MRC1: variants seen among roughly 807,000 people sequenced by gnomAD.
The protein encoded by MRC1 is macrophage mannose receptor 1.
In MRC1, 62 loss-of-function variants were observed where a neutral mutation model predicts 102.9. The observed-to-expected ratio is 0.60, with a 90% CI of 0.49 to 0.74. MRC1 has a LOEUF of 0.74. Ranked by LOEUF, MRC1 falls within the 30% of genes least tolerant of loss-of-function variation. The pLI, the probability that MRC1 is intolerant of heterozygous loss-of-function variation, is 0.00. For synonymous variants in MRC1, 457 were observed against 298.4 expected (o/e 1.53, Z -5.48); for missense variants, 1,237 against 862.8 (o/e 1.43, Z -5.43).
At chr10:17,828,475 A>T (rs1478529007) in intron 3 of MRC1, among the ~76,000 whole-genome samples, 1 of 151,462 alleles carries the variant, frequency 6.6e-6, no homozygotes, top group Non-Finnish European at 1.5e-5. Flanking sequence ...GCATGCTATT[A>T]TTCCCTCATC....
chr10:17,882,846 C>A (rs1184998051), intron 21 of MRC1, among the ~76,000 whole-genome samples: 1 of 152,188 alleles, frequency 6.6e-6, no homozygotes, highest in Non-Finnish European at 1.5e-5. Context: ...CAGAGAAACA[C>A]AATAATTGAT....
At chr10:17,809,556 G>A in intron 1 of MRC1, 30 bp downstream of exon 1, 1 of 872,454 alleles carries the variant, frequency 1.1e-6, no homozygotes, top group Non-Finnish European at 2.0e-6. Context: ...GGGGATCTCT[G>A]ACCTGGGGGG....
Position 17,809,429 on chromosome 10 carries a change from C to G in MRC1, c.-37C>G. On this transcript the variant is annotated 5_prime_UTR_variant, in exon 1 of 30. Transcript: ENST00000569591. ...TGTTTTGCGTCTTAGTTCCGCCCTCCTGTCCATCAGGAGAAGGAAAGGATA... is the reference window on the plus strand; with the variant it reads ...TGTTTTGCGTCTTAGTTCCGCCCTCGTGTCCATCAGGAGAAGGAAAGGATA... The G allele has an allele frequency of 4.6e-6, 4 of 872,584 alleles. No individual in the cohort carries two copies. Among genetic ancestry groups the G allele is most frequent in the Non-Finnish European group, 8.0e-6 (4 of 501,388 alleles). 54.1% of individuals were successfully genotyped at this position (872,584 alleles called of 1,614,324 possible).
intron 6 of MRC1, among the ~76,000 whole-genome samples, chr10:17,847,573 A>C (rs1328655795): frequency 6.6e-6 from 1 of 152,258 alleles, no homozygotes; most frequent in Admixed American, 6.5e-5. Flanking sequence ...CTTAGGCAAG[A>C]ATTCAACCTC....
chr10:17,884,322 G>A (rs1833559704), intron 21 of MRC1, among the ~76,000 whole-genome samples: 4 of 152,148 alleles, frequency 2.6e-5, no homozygotes, highest in Admixed American at 2.0e-4. Context: ...AGCACACTGA[G>A]TATATGGGCA....
rs1838500284 is a variant in MRC1, at chr10:17,827,577, A to G, written c.499A>G (p.Thr167Ala). 1 of 780,828 alleles carries G rather than the reference A, an allele frequency of 1.3e-6. No homozygotes were observed. The highest frequency in any genetic ancestry group is 2.4e-6 in the Non-Finnish European group (1 of 417,958). The allele number at this position is 780,828 out of a possible 1,614,324, so 48.4% of individuals were successfully genotyped here. A position where few individuals can be genotyped will look rare whatever the true frequency, so the allele number is the denominator to read the frequency against. ...GCTACTAGGCAATGCCAATGGAGCA[A>G]CCTGTGCATTCCCGTTCAAGTTTGA... ...YTLLGNANGA[T>A]CAFPFKFENK... Residue 167 changes from threonine to alanine, a missense_variant, in exon 3 of 30, where the codon ACC (threonine) becomes GCC (alanine). Physicochemically the swap from Thr to Ala is moderately conservative, Grantham distance 58. Transcript: ENST00000569591.
chr10:17,882,719 A>T (rs1010304632), intron 21 of MRC1, among the ~76,000 whole-genome samples: 1 of 152,120 alleles, frequency 6.6e-6, no homozygotes, highest in Non-Finnish European at 1.5e-5. Context: ...AACATTTGAC[A>T]AGTTGAGCAA....
chr10:17,877,056 T>C (rs1564622063), intron 17 of MRC1, among the ~76,000 whole-genome samples: 1 of 150,630 alleles, frequency 6.6e-6, no homozygotes, highest in African/African-American at 2.4e-5. Flanking sequence ...TGTTTTCTAA[T>C]ATTGCACAAC....
At chr10:17,887,262 G>A (rs949130228) in intron 22 of MRC1, among the ~76,000 whole-genome samples, 3 of 152,064 alleles carry the variant, frequency 2.0e-5, no homozygotes, top group African/African-American at 7.2e-5. Flanking sequence ...GTGGTGGTGG[G>A]CGCCTGTCAT....
chr10:17,880,685 A>T lies in MRC1; in HGVS notation c.2865+15A>T, dbSNP rs782467675. 2.6e-6 allele frequency: 2 copies of T among 780,886 alleles called. No homozygotes were observed. Among genetic ancestry groups the T allele is most frequent in the Non-Finnish European group, 4.8e-6 (2 of 417,962 alleles). The allele number at this position is 780,886 out of a possible 1,614,324, so 48.4% of individuals were successfully genotyped here. A position where few individuals can be genotyped will look rare whatever the true frequency, so the allele number is the denominator to read the frequency against. ...ACAGCAACAAGGTACTAGGAAAATTAGTTGCAATCTTGGCACTGATCAGTA... is the reference window on the plus strand; with the variant it reads ...ACAGCAACAAGGTACTAGGAAAATTTGTTGCAATCTTGGCACTGATCAGTA... On this transcript the variant is annotated intron_variant, in intron 20 of 29. Transcript: ENST00000569591.
intron 5 of MRC1, among the ~76,000 whole-genome samples, chr10:17,842,338 T>C (rs929379649): frequency 3.6e-4 from 55 of 152,210 alleles, no homozygotes; most frequent in Non-Finnish European, 6.5e-4. Context: ...TTCAAATAGA[T>C]GCTAAAACAC....
At chr10:17,823,528 T>C in intron 2 of MRC1, 53 bp downstream of exon 2, 3 of 778,720 alleles carry the variant, frequency 3.9e-6, no homozygotes, top group African/African-American at 1.7e-5. Context: ...GTCTTCTTAG[T>C]TGGAACCTGA....
Position 17,838,172 on chromosome 10 carries a change from G to A in MRC1, c.803-2521G>A, listed in dbSNP as rs955247334. On this transcript the variant is annotated intron_variant, in intron 4 of 29. Transcript: ENST00000569591. Reference sequence around the variant, plus strand: ...CCATTTCACCCTGCCTGTGTCTCACGCACAGAACACCCGGGGATCCGCTGG... The same window carrying A: ...CCATTTCACCCTGCCTGTGTCTCACACACAGAACACCCGGGGATCCGCTGG... Among the ~76,000 whole-genome samples the A allele has an allele frequency of 9.3e-3, 1,422 of 152,244 alleles. 21 individuals carry two copies. Among genetic ancestry groups the A allele is most frequent in the African/African-American group, 0.033 (1,354 of 41,534 alleles).
intron 22 of MRC1, 26 bp from the exon 23 acceptor site, chr10:17,894,183 TC>T (rs1269744615): frequency 8.0e-6 from 7 of 870,142 alleles, no homozygotes; most frequent in Admixed American, 1.7e-5. Flanking sequence ...ATGATTGTTT[TC>T]TTTTTCTTTC....
chr10:17,868,059 C>CA (rs1235576923), intron 12 of MRC1, among the ~76,000 whole-genome samples: 2 of 151,866 alleles, frequency 1.3e-5, no homozygotes, highest in Non-Finnish European at 2.9e-5. Flanking sequence ...AACAAACAGA[C>CA]AAAAAAAGAA....
chr10:17,851,770 A>G (rs1838921038), intron 7 of MRC1, among the ~76,000 whole-genome samples: 1 of 152,242 alleles, frequency 6.6e-6, no homozygotes, highest in Non-Finnish European at 1.5e-5. Context: ...GGAGAAGAGG[A>G]TCATCCTGGC....
Position 17,875,096 on chromosome 10 carries a change from C to A in MRC1, c.2393C>A (p.Pro798Gln), listed in dbSNP as rs1833411488. Residue 798 changes from proline (P) to glutamine (Q), a missense_variant, in exon 17 of 30, where the codon CCA (proline) becomes CAA (glutamine). Pro to Gln is a moderately conservative substitution (Grantham distance 76, BLOSUM62 -1). Transcript: ENST00000569591. ...TTTCTCATTAACTTTTCAGATCCAC[C>A]AGTTACTGAAGATGGGTGGGTTATT... ...EPTPAPQDNP[P>Q]VTEDGWVIYK... 9 of 780,740 alleles carry A rather than the reference C, an allele frequency of 1.2e-5. No individual in the cohort carries two copies. The highest frequency in any genetic ancestry group is 1.2e-5 in the Non-Finnish European group (5 of 417,928). 48.4% of individuals were successfully genotyped at this position (780,740 alleles called of 1,614,324 possible).
chr10:17,896,507 C>T (rs1833757805), intron 23 of MRC1, among the ~76,000 whole-genome samples: 1 of 152,208 alleles, frequency 6.6e-6, no homozygotes, highest in African/African-American at 2.4e-5. Flanking sequence ...AAAAACTTCT[C>T]TTTCTTTTCC....
At chr10:17,859,720 T>G (rs992415706) in intron 9 of MRC1, among the ~76,000 whole-genome samples, 3,701 of 152,274 alleles carry the variant, frequency 0.024, 147 homozygotes, top group African/African-American at 0.086. Flanking sequence ...ATTTCTGATG[T>G]GTGGTTTTGC....
Sources: allele counts gnomAD v4.1 joint callset (sites outside exome capture counted in the v4.1 genomes callset), GRCh38; gene constraint gnomAD v4.1.1; transcripts MANE v1.5; gene names NCBI Gene and HGNC (gene_info 2026-07-23, HGNC 2026-07-21).